Variants in ROBO2 observed in about 807,000 individuals in gnomAD.
ROBO2 encodes roundabout homolog 2.
A neutral mutation model predicts 160.8 loss-of-function variants in ROBO2; 53 were observed. The ratio of observed to expected loss-of-function variants is 0.33; its 90% CI spans 0.26 to 0.41. ROBO2 has a LOEUF of 0.41. ROBO2 is among the 10% of genes least tolerant of loss of function. ROBO2 has a pLI of 1.00. For missense variants in ROBO2, 1,577 were observed against 1,722.4 expected (o/e 0.92, Z 1.49); for synonymous variants, 664 against 611.7 (o/e 1.09, Z -1.26).
intron 2 of ROBO2, among the ~76,000 whole-genome samples, chr3:76,428,047 C>T (rs1370492050): frequency 6.6e-6 from 1 of 152,090 alleles, no homozygotes; most frequent in East Asian, 1.9e-4. Flanking sequence ...AGTTTTAATG[C>T]TGTGAAATGG....
intron 2 of ROBO2, among the ~76,000 whole-genome samples, chr3:76,553,203 A>C (rs1334505038): frequency 6.6e-6 from 1 of 152,176 alleles, no homozygotes; most frequent in Non-Finnish European, 1.5e-5. Flanking sequence ...AGGGATTGTA[A>C]TTAGAGTGAG....
chr3:77,473,128 A>C lies in ROBO2; in HGVS notation c.389-4286A>C, dbSNP rs528827880. On this transcript the variant is annotated intron_variant, in intron 2 of 25. Transcript: ENST00000461745. The stretch of plus-strand genomic sequence containing the variant: ...GATGAGCTTGAGGATGCGGTGTCTG[A>C]TTCCCACAGGGTTTAGAGGATTGGT... Among the ~76,000 whole-genome samples, 12 of 152,168 alleles carry C rather than the reference A, an allele frequency of 7.9e-5. No individual in the cohort carries two copies. In the East Asian group the frequency reaches 1.7e-3, roughly 22 times the overall value.
intron 2 of ROBO2, among the ~76,000 whole-genome samples, chr3:76,661,646 G>A (rs987663894): frequency 2.6e-5 from 4 of 152,230 alleles, no homozygotes; most frequent in Admixed American, 6.5e-5. Flanking sequence ...GAGTTGTTTC[G>A]TCCAAAGAGT....
chr3:76,647,344 C>T (rs1485365588), intron 2 of ROBO2, among the ~76,000 whole-genome samples: 2 of 152,116 alleles, frequency 1.3e-5, no homozygotes, highest in African/African-American at 4.8e-5. Context: ...CTCCTCTAGC[C>T]TTTCAGTCTC....
intron 2 of ROBO2, among the ~76,000 whole-genome samples, chr3:75,988,286 G>A (rs2065470565): frequency 6.6e-6 from 1 of 151,876 alleles, no homozygotes; most frequent in South Asian, 2.1e-4. Context: ...GGAATTTGTC[G>A]ATTTCATCTG....
rs146498475 is a variant in ROBO2 at position 76,102,610 on chromosome 3, T to G, written c.109+165008T>G. Among the ~76,000 whole-genome samples the G allele has an allele frequency of 5.0e-3, 762 of 152,272 alleles. 7 individuals carry two copies. Among genetic ancestry groups the G allele is most frequent in the Non-Finnish European group, 7.9e-3 (539 of 68,004 alleles). On this transcript the variant is annotated intron_variant, in intron 2 of 26. Transcript: ENST00000487694. ...AGGAATTCTCAGAGGTCAAGAAAGA[T>G]ACAGATTGAAAAGTGTGCATTGGAT...
chr3:77,590,112 T>C (rs573318215), intron 17 of ROBO2, among the ~76,000 whole-genome samples: 1 of 152,280 alleles, frequency 6.6e-6, no homozygotes, highest in South Asian at 2.1e-4. Flanking sequence ...TTTATATGTT[T>C]ATGATCATTT....
At chr3:76,771,818 A>T (rs2061924441) in intron 2 of ROBO2, among the ~76,000 whole-genome samples, 1 of 151,322 alleles carries the variant, frequency 6.6e-6, no homozygotes, top group Middle Eastern at 3.2e-3. Context: ...ACTGCTTTTG[A>T]AACTTAAGGA....
At chr3:76,781,937 G>C (rs1024921554) in intron 2 of ROBO2, among the ~76,000 whole-genome samples, 6 of 150,660 alleles carry the variant, frequency 4.0e-5, no homozygotes, top group African/African-American at 1.5e-4. Context: ...GAGAAGATCT[G>C]GCATTAATTC....
intron 2 of ROBO2, among the ~76,000 whole-genome samples, chr3:76,950,321 TTTC>T (rs1258516923): frequency 5.9e-5 from 9 of 152,182 alleles, no homozygotes; most frequent in Non-Finnish European, 1.3e-4. Flanking sequence ...ACTCAAAAAG[TTTC>T]TTCTTTCTCT....
chr3:76,366,809 T>G (rs2075834915), intron 2 of ROBO2, among the ~76,000 whole-genome samples: 1 of 151,966 alleles, frequency 6.6e-6, no homozygotes. Context: ...TAGTTTTTAT[T>G]AAGCAGAGAA....
At chr3:76,237,075 T>G (rs1038375995) in intron 2 of ROBO2, among the ~76,000 whole-genome samples, 1 of 152,128 alleles carries the variant, frequency 6.6e-6, no homozygotes, top group Admixed American at 6.5e-5. Context: ...AGCAATACAA[T>G]ATATGGCATT....
At chr3:76,360,232 C>T (rs573237358) in intron 2 of ROBO2, among the ~76,000 whole-genome samples, 6 of 152,062 alleles carry the variant, frequency 3.9e-5, no homozygotes, top group East Asian at 1.9e-4. Context: ...GATCTCTTTT[C>T]GGTTTTCCAG....
chr3:76,621,792 T>A (rs565726687), intron 2 of ROBO2, among the ~76,000 whole-genome samples: 73 of 152,314 alleles, frequency 4.8e-4, no homozygotes, highest in African/African-American at 1.6e-3. Flanking sequence ...ATCTAGTTTA[T>A]GAAATTAAAC....
rs541535658 is a variant in ROBO2, at chr3:76,207,935, T to C, written c.109+270333T>C. Among the ~76,000 whole-genome samples the C allele has an allele frequency of 3.3e-5, 5 of 152,274 alleles. No individual in the cohort carries two copies. The South Asian group carries it at 1.0e-3, about 32-fold the overall frequency. ...CATGGCAGTGTTTTCTCATAAGTGG[T>C]TTAACACCAGCACCTTCAGTGCTGT... On this transcript the variant is annotated intron_variant, in intron 2 of 26. Transcript: ENST00000487694.
rs375773679 is a variant in ROBO2 at position 76,580,455 on chromosome 3, A to T, written c.110-517559A>T. 2.7e-4 allele frequency among the ~76,000 whole-genome samples: 39 copies of T among 146,184 alleles called. 1 individual carries two copies. Among genetic ancestry groups the T allele is most frequent in the South Asian group, 2.6e-3 (12 of 4,652 alleles). Reference sequence around the variant, plus strand: ...GGCCTACTACGTGATCATACCATTTAACCAAACTGCTAAGCTTCATTTGCT... The same window carrying T: ...GGCCTACTACGTGATCATACCATTTTACCAAACTGCTAAGCTTCATTTGCT... On this transcript the variant is annotated intron_variant, in intron 2 of 26. Coordinates refer to the ROBO2 transcript ENST00000487694.
intron 2 of ROBO2, among the ~76,000 whole-genome samples, chr3:76,800,191 T>C (rs1033601139): frequency 1.1e-3 from 164 of 152,226 alleles, no homozygotes; most frequent in African/African-American, 3.8e-3. Flanking sequence ...AACCAAGATG[T>C]CCATCTCTTG....
intron 1 of ROBO2, among the ~76,000 whole-genome samples, chr3:77,044,941 T>C (rs1278948581): frequency 1.3e-5 from 2 of 152,206 alleles, no homozygotes; most frequent in Non-Finnish European, 2.9e-5. Context: ...GGCATAGATA[T>C]TGCTTTTCTC....
chr3:77,086,851 A>G (rs1000924251), intron 1 of ROBO2, among the ~76,000 whole-genome samples: 1 of 152,164 alleles, frequency 6.6e-6, no homozygotes, highest in East Asian at 1.9e-4. Context: ...AATCCTTTCT[A>G]TACTTATATA....
Sources: allele counts gnomAD v4.1 joint callset (sites outside exome capture counted in the v4.1 genomes callset), GRCh38; gene constraint gnomAD v4.1.1; transcripts MANE v1.5; gene names NCBI Gene and HGNC (gene_info 2026-07-23, HGNC 2026-07-21).